Variants in LVRN observed in about 807,000 individuals in gnomAD.
The protein encoded by LVRN is aminopeptidase Q.
LVRN carries 99 observed loss-of-function variants against 111.4 expected under a neutral mutation model. That is an observed-to-expected ratio of 0.89 (90% CI 0.76 to 1.05). The LOEUF (loss-of-function observed/expected upper bound fraction) is 1.05, where lower values mean the gene tolerates loss of function less well. LVRN is among the 50% of genes least tolerant of loss of function. The pLI, the probability that LVRN is intolerant of heterozygous loss-of-function variation, is 0.00. For missense variants in LVRN, 1,414 were observed against 1,206.8 expected (o/e 1.17, Z -2.54); for synonymous variants, 488 against 449.5 (o/e 1.09, Z -1.08).
intron 12 of LVRN, among the ~76,000 whole-genome samples, chr5:116,003,739 G>C (rs1237955174): frequency 6.6e-6 from 1 of 151,886 alleles, no homozygotes. Context: ...CTGCCACCAC[G>C]CCCGGCTAAT....
chr5:115,978,898 C>T (rs1328252069), intron 1 of LVRN, among the ~76,000 whole-genome samples: 1 of 152,150 alleles, frequency 6.6e-6, no homozygotes, highest in African/African-American at 2.4e-5. Flanking sequence ...TCTGGTCTTA[C>T]AGATGCATTT....
At chr5:115,982,229 T>C (rs1175143979) in intron 1 of LVRN, among the ~76,000 whole-genome samples, 1 of 152,202 alleles carries the variant, frequency 6.6e-6, no homozygotes, top group Admixed American at 6.5e-5. Flanking sequence ...AACCGTCCTA[T>C]GTGTCCTTCC....
intron 1 of LVRN, among the ~76,000 whole-genome samples, chr5:115,976,891 T>A (rs192963484): frequency 1.8e-4 from 28 of 152,310 alleles, no homozygotes; most frequent in African/African-American, 6.5e-4. Flanking sequence ...TCTTGAGCCA[T>A]GTTTTTAAGC....
At chr5:116,014,672 T>C (rs1748562544) in intron 16 of LVRN, 145 bp downstream of exon 16, 1 of 674,036 alleles carries the variant, frequency 1.5e-6, no homozygotes. Context: ...AATACCTTTT[T>C]TAAAAAACCA....
intron 1 of LVRN, among the ~76,000 whole-genome samples, chr5:115,980,657 A>G (rs185090778): frequency 6.6e-5 from 10 of 152,200 alleles, no homozygotes; most frequent in South Asian, 2.1e-4. Flanking sequence ...AGTCTCTTTG[A>G]GATTCATAAG....
Position 115,962,663 on chromosome 5 carries a change from G to A in LVRN, c.46G>A (p.Ala16Thr), listed in dbSNP as rs1252433478. 1 of 1,609,492 alleles carries A rather than the reference G, an allele frequency of 6.2e-7. No homozygotes were observed. Among genetic ancestry groups the A allele is most frequent in the Admixed American group, 1.7e-5 (1 of 59,946 alleles). Residue 16 changes from alanine to threonine, a missense_variant, in exon 1 of 20, where the codon GCC becomes ACC. Physicochemically the swap from Ala to Thr is moderately conservative, Grantham distance 58 (BLOSUM62 0). Transcript: ENST00000357872. ...AGGCTTCTATGTGAGCCGCGCAGTGGCCCTGCTGCTGGCTGGGCTGGTAGC... is the reference window on the plus strand; with the variant it reads ...AGGCTTCTATGTGAGCCGCGCAGTGACCCTGCTGCTGGCTGGGCTGGTAGC... ...SSGFYVSRAVALLLAGLVAAL... is the reference protein window; with the variant it reads ...SSGFYVSRAVTLLLAGLVAAL...
rs1747749994 is a variant in LVRN, at chr5:115,983,155, G to C, written c.696-132G>C. ...TGGAGTGTGTTGGTGTGATGGGATG[G>C]GCAGTGAGGAAGATGAGAGGAAATT... On this transcript the variant is annotated intron_variant, in intron 1 of 19. Transcript: ENST00000357872. 13 of 928,384 alleles carry C rather than the reference G, an allele frequency of 1.4e-5. No homozygotes were observed. The East Asian group carries it at 3.5e-4, about 25-fold the overall frequency. 57.5% of individuals were successfully genotyped at this position (928,384 alleles called of 1,614,324 possible). A position where few individuals can be genotyped will look rare whatever the true frequency, so the allele number is the denominator to read the frequency against.
rs144103220 is a variant in LVRN at position 115,982,735 on chromosome 5, C to A, written c.696-552C>A. Among the ~76,000 whole-genome samples the A allele has an allele frequency of 4.1e-3, 618 of 152,154 alleles. 2 individuals carry two copies. The highest frequency in any genetic ancestry group is 6.8e-3 in the Middle Eastern group (2 of 294). ...GGAAGAATCAGCAGGGATTTGATACCTTTACCCATATATAATTGAAAGTTG... is the reference window on the plus strand; with the variant it reads ...GGAAGAATCAGCAGGGATTTGATACATTTACCCATATATAATTGAAAGTTG... On this transcript the variant is annotated intron_variant, in intron 1 of 19. Transcript: ENST00000357872.
chr5:115,994,256 T>C (rs1561561334), intron 6 of LVRN, among the ~76,000 whole-genome samples: 1 of 152,104 alleles, frequency 6.6e-6, no homozygotes. Flanking sequence ...AGACTATATA[T>C]ATATAGTCTA....
intron 18 of LVRN, among the ~76,000 whole-genome samples, chr5:116,016,261 T>C (rs559702991): frequency 1.5e-4 from 23 of 152,314 alleles, no homozygotes; most frequent in Middle Eastern, 6.8e-3. Context: ...TAAAATTTTA[T>C]TTATAGTCAA....
chr5:116,008,322 T>A (rs1256952021), intron 13 of LVRN, among the ~76,000 whole-genome samples: 1 of 152,016 alleles, frequency 6.6e-6, no homozygotes, highest in Non-Finnish European at 1.5e-5. Flanking sequence ...CCAGCCTGGG[T>A]GACAGAGCGA....
chr5:115,993,475 C>A (rs865894827), intron 5 of LVRN, among the ~76,000 whole-genome samples: 6 of 152,082 alleles, frequency 3.9e-5, no homozygotes, highest in East Asian at 1.9e-4. Flanking sequence ...TTCTAGCTGA[C>A]CTTATGTTTA....
At chr5:115,974,863 C>T (rs1029275493) in intron 1 of LVRN, 9 of 391,726 alleles carry the variant, frequency 2.3e-5, no homozygotes, top group Non-Finnish European at 4.1e-5. Flanking sequence ...CTCTAATGCT[C>T]TCTCCCGACC....
In LVRN at chr5:115,988,284, C is replaced by G. The variant is rs566438838; in HGVS notation, c.1105+345C>G. Among the ~76,000 whole-genome samples the G allele has an allele frequency of 3.3e-5, 5 of 152,186 alleles. No homozygotes were observed. The East Asian group carries it at 9.7e-4, about 29-fold the overall frequency. On this transcript the variant is annotated intron_variant, in intron 4 of 19. Transcript: ENST00000357872. The stretch of plus-strand genomic sequence containing the variant: ...CAAGTCTGCAGTGCTGAGTCTGGAT[C>G]ACTTTAGCTAGCGGGCTTTCAGAAG...
intron 5 of LVRN, among the ~76,000 whole-genome samples, chr5:115,993,197 ACT>A (rs1491342128): frequency 2.1e-5 from 2 of 97,206 alleles, no homozygotes; most frequent in Non-Finnish European, 4.0e-5. Flanking sequence ...TCCATTTGAC[ACT>A]GTTTTTTTTT....
intron 18 of LVRN, chr5:116,021,656 C>T (rs1045247997): frequency 3.8e-5 from 16 of 416,924 alleles, no homozygotes; most frequent in Non-Finnish European, 7.0e-5. Flanking sequence ...GTCTCTTGGT[C>T]AGTCCATTAT....
Position 115,969,799 on chromosome 5 carries a change from C to CAA in LVRN, c.695+6504_695+6505dup, listed in dbSNP as rs35835980. On this transcript the variant is annotated intron_variant, in intron 1 of 19. Coordinates refer to ENST00000357872, the MANE Select transcript of LVRN (RefSeq NM_173800.5). ...TGGGCAACAGAGCGAGACTCGATCT[C>CAA]AAAAAAAAAAAAAAAAAAGATATTA... 7.3e-3 allele frequency among the ~76,000 whole-genome samples: 834 copies of CAA among 113,524 alleles called. 11 individuals carry two copies. Among genetic ancestry groups the CAA allele is most frequent in the Middle Eastern group, 9.7e-3 (2 of 206 alleles). 74.5% of individuals were successfully genotyped at this position (113,524 alleles called of 152,430 possible).
At chr5:116,010,387 T>C (rs537429255) in intron 13 of LVRN, 5 of 356,910 alleles carry the variant, frequency 1.4e-5, no homozygotes, top group African/African-American at 1.1e-4. Context: ...GTCAGAGCAT[T>C]AGATAGAGAA....
intron 6 of LVRN, among the ~76,000 whole-genome samples, chr5:115,998,352 G>T (rs9326983): frequency 0.034 from 5,163 of 152,130 alleles, 201 homozygotes; most frequent in Admixed American, 0.085. Flanking sequence ...CATTATAAGG[G>T]ATAATTATAA....
Sources: gnomAD v4.1 joint callset for allele counts (sites outside exome capture counted in the v4.1 genomes callset) on GRCh38, gnomAD v4.1.1 for gene constraint, MANE v1.5 for transcripts, NCBI Gene and HGNC (gene_info 2026-07-23, HGNC 2026-07-21) for gene names.